The following AR variants were observed in gnomAD, a reference collection of about 807,000 sequenced individuals.
AR encodes the protein androgen receptor, also known as dihydrotestosterone receptor.
AR carries 8 observed loss-of-function variants against 53.9 expected under a neutral mutation model. That is an observed-to-expected ratio of 0.15 (90% CI 0.09 to 0.27). The LOEUF (loss-of-function observed/expected upper bound fraction) is 0.27. Among genes scored for constraint, AR ranks in the 10% least tolerant of loss-of-function variants. AR has a pLI of 1.00. For missense variants in AR, 639 were observed against 742.5 expected (o/e 0.86, Z 1.62); for synonymous variants, 359 against 316.4 (o/e 1.13, Z -1.43).
At chrX:67,658,816 T>C (rs771377484) in intron 2 of AR, among the ~76,000 whole-genome samples, 1 of 111,777 alleles carries the variant, frequency 8.9e-6, no homozygotes, top group Admixed American at 9.5e-5. Flanking sequence ...GCATGGGAGA[T>C]TCAGTATATA....
rs2076163108 is a variant in AR at position 67,727,635 on chromosome X, C to T, written c.*3794C>T. 1 of 172,783 alleles carries T rather than the reference C, an allele frequency of 5.8e-6. No homozygotes were observed. Among genetic ancestry groups the T allele is most frequent in the South Asian group, 3.1e-4 (1 of 3,220 alleles). The allele number at this position is 172,783 out of a possible 1,213,427, so 14.2% of individuals were successfully genotyped here. ...CAGGGCATAAAGGCCCAGGCCACTT[C>T]CTCTGCCCCTTCCCAGCCCTGCACC... On this transcript the variant is annotated 3_prime_UTR_variant, in exon 8 of 8. Transcript: ENST00000374690.
intron 1 of AR, among the ~76,000 whole-genome samples, chrX:67,583,703 C>T (rs1440327835): frequency 9.0e-6 from 1 of 111,007 alleles, no homozygotes; most frequent in Admixed American, 9.6e-5. Context: ...ATTCAACAAC[C>T]ATAAAAAAAA....
At chrX:67,614,526 T>C (rs1442663840) in intron 1 of AR, among the ~76,000 whole-genome samples, 1 of 111,369 alleles carries the variant, frequency 9.0e-6, no homozygotes, top group Non-Finnish European at 1.9e-5. Context: ...GGAAACCAAT[T>C]TCACAGAAGC....
At chrX:67,656,160 A>C (rs1478266879) in intron 2 of AR, among the ~76,000 whole-genome samples, 1 of 111,690 alleles carries the variant, frequency 9.0e-6, no homozygotes, top group Non-Finnish European at 1.9e-5. Context: ...TCATAGTCCA[A>C]TGGCAGGGAA....
At chrX:67,686,630 T>C (rs974812498) in intron 3 of AR, among the ~76,000 whole-genome samples, 4 of 111,916 alleles carry the variant, frequency 3.6e-5, no homozygotes, top group Non-Finnish European at 7.5e-5. Flanking sequence ...AAGCTACTTC[T>C]CTTTGGAGCC....
chrX:67,721,228 A>G (rs2076134405), intron 5 of AR, among the ~76,000 whole-genome samples: 1 of 112,301 alleles, frequency 8.9e-6, no homozygotes, highest in Non-Finnish European at 1.9e-5. Context: ...CAGATTTAAC[A>G]TTGGAACTCG....
At position 67,727,217 on chromosome X, in the gene AR, T is replaced by C. The variant is rs1416889456; in HGVS notation, c.*3376T>C. On this transcript the variant is annotated 3_prime_UTR_variant, in exon 8 of 8. Coordinates refer to ENST00000374690, the MANE Select transcript of AR (RefSeq NM_000044.6). ...GTTCTTGGAAAGTTTATTATTTTTTTAACTCCCTTACTCTGAGAAAGGGAT... is the reference window on the plus strand; with the variant it reads ...GTTCTTGGAAAGTTTATTATTTTTTCAACTCCCTTACTCTGAGAAAGGGAT... 3 of 167,632 alleles carry C rather than the reference T, an allele frequency of 1.8e-5. No homozygotes were observed. In the Admixed American group the frequency reaches 2.4e-4, roughly 13 times the overall value. The allele number at this position is 167,632 out of a possible 1,213,427, so 13.8% of individuals were successfully genotyped here.
At chrX:67,695,073 C>A in intron 3 of AR, 1 of 787,584 alleles carries the variant, frequency 1.3e-6, no homozygotes. Flanking sequence ...CTGACTCAGG[C>A]GGATGCAGTG....
chrX:67,628,522 TAAG>T (rs1161009781), intron 1 of AR, among the ~76,000 whole-genome samples: 1 of 108,634 alleles, frequency 9.2e-6, no homozygotes, highest in Non-Finnish European at 1.9e-5. Flanking sequence ...CTTATCAGCT[TAAG>T]GAGATTTTGG....
At position 67,624,099 on chromosome X, in the gene AR, AC is replaced by A. The variant is rs778507403; in HGVS notation, c.1617-19156del. Among the ~76,000 whole-genome samples, 203 of 111,089 alleles carry A rather than the reference AC, an allele frequency of 1.8e-3. 1 individual carries two copies. The highest frequency in any genetic ancestry group is 3.2e-3 in the Non-Finnish European group (168 of 52,957). Reference sequence around the variant, plus strand: ...TTTTAAACCATCAGCTCTCATGACAACTCACTCACTATCATGAGAACAGCAA... The same window carrying A: ...TTTTAAACCATCAGCTCTCATGACAATCACTCACTATCATGAGAACAGCAA... On this transcript the variant is annotated intron_variant, in intron 1 of 7. Coordinates refer to ENST00000374690, the MANE Select transcript of AR (RefSeq NM_000044.6).
At chrX:67,552,001 A>C (rs1011788052) in intron 1 of AR, among the ~76,000 whole-genome samples, 34 of 112,149 alleles carry the variant, frequency 3.0e-4, no homozygotes, top group African/African-American at 1.0e-3. Context: ...TTAGTACCTA[A>C]GTTTTATTCT....
intron 3 of AR, among the ~76,000 whole-genome samples, chrX:67,702,996 T>C (rs1158581444): frequency 9.0e-6 from 1 of 111,308 alleles, no homozygotes; most frequent in Non-Finnish European, 1.9e-5. Flanking sequence ...GAGAATTGCT[T>C]GAGCCCAGGA....
At chrX:67,652,388 T>C (rs1926386598) in intron 2 of AR, among the ~76,000 whole-genome samples, 1 of 111,851 alleles carries the variant, frequency 8.9e-6, no homozygotes. Context: ...GGTCACAGGT[T>C]ATTTCATGAA....
At chrX:67,644,860 T>G (rs1410981998) in intron 2 of AR, among the ~76,000 whole-genome samples, 1 of 111,458 alleles carries the variant, frequency 9.0e-6, no homozygotes, top group Non-Finnish European at 1.9e-5. Flanking sequence ...GGCCCTAATG[T>G]CTAGGTCTAG....
intron 5 of AR, 77 bp downstream of exon 5, chrX:67,717,699 G>T (rs919948822): frequency 1.7e-6 from 2 of 1,162,439 alleles, no homozygotes; most frequent in Non-Finnish European, 2.3e-6. Context: ...TGGTGATGGG[G>T]TGACAGTGAA....
chrX:67,592,257 C>CAATAGGT (rs1182954798), intron 1 of AR, among the ~76,000 whole-genome samples: 2 of 111,948 alleles, frequency 1.8e-5, no homozygotes, highest in Non-Finnish European at 3.8e-5. Context: ...CTGGGCTGAA[C>CAATAGGT]AATAGGTAAG....
At chrX:67,656,126 T>C (rs1926577019) in intron 2 of AR, among the ~76,000 whole-genome samples, 1 of 111,748 alleles carries the variant, frequency 8.9e-6, no homozygotes, top group Admixed American at 9.5e-5. Context: ...TAGAGAGAAC[T>C]CCAGGCTATA....
intron 2 of AR, among the ~76,000 whole-genome samples, chrX:67,676,030 A>C (rs1041569935): frequency 8.9e-6 from 1 of 112,318 alleles, no homozygotes; most frequent in Non-Finnish European, 1.9e-5. Context: ...AAAGAGAAAT[A>C]ATATAATGGC....
At chrX:67,579,026 T>C (rs1922174008) in intron 1 of AR, among the ~76,000 whole-genome samples, 1 of 111,689 alleles carries the variant, frequency 9.0e-6, no homozygotes, top group Non-Finnish European at 1.9e-5. Context: ...GAAGCAAGCA[T>C]ACAGTCAGTA....
Sources: allele counts gnomAD v4.1 joint callset (sites outside exome capture counted in the v4.1 genomes callset), GRCh38; gene constraint gnomAD v4.1.1; transcripts MANE v1.5; gene names NCBI Gene and HGNC (gene_info 2026-07-23, HGNC 2026-07-21).